The following HDAC8 variants were observed in gnomAD, a reference collection of about 807,000 sequenced individuals.
The protein encoded by HDAC8 is histone deacetylase-like 1.
In HDAC8, 1 loss-of-function variant was observed where a neutral mutation model predicts 32.2. The observed-to-expected ratio is 0.03, with a 90% CI of 0.01 to 0.15. HDAC8 has a LOEUF of 0.15. HDAC8 is among the 10% of genes least tolerant of loss of function. The pLI is 1.00. For synonymous variants in HDAC8, 108 were observed against 113.9 expected, an observed-to-expected ratio of 0.95 and a Z score of 0.33; for missense variants, 117 against 300.0, an observed-to-expected ratio of 0.39 and a Z score of 4.51.
At chrX:72,514,216 T>C (rs2049704710) in intron 4 of HDAC8, among the ~76,000 whole-genome samples, 1 of 112,378 alleles carries the variant, frequency 8.9e-6, no homozygotes, top group African/African-American at 3.2e-5. Context: ...ACAGACCATC[T>C]AGCATCAAGA....
At position 72,551,655 on chromosome X, in the gene HDAC8, G is replaced by A. The variant is rs2051073059; in HGVS notation, c.437+16234C>T. On this transcript the variant is annotated intron_variant, in intron 4 of 10. Transcript: ENST00000373573. ...TTTCCTCAGTGCCAGGCATACAGAA[G>A]GAGTTTAATAGATGTTCGTTAATTG... Among the ~76,000 whole-genome samples, 3 of 111,262 alleles carry A rather than the reference G, an allele frequency of 2.7e-5. No homozygotes were observed. The South Asian group carries it at 1.1e-3, about 43-fold the overall frequency.
At chrX:72,462,307 G>A (rs1446719464) in intron 8 of HDAC8, 1 of 365,890 alleles carries the variant, frequency 2.7e-6, no homozygotes, top group Non-Finnish European at 4.8e-6. Flanking sequence ...GTAAAACTGG[G>A]CAGTCCAAGG....
intron 4 of HDAC8, among the ~76,000 whole-genome samples, chrX:72,565,972 C>T (rs1556132793): frequency 9.1e-6 from 1 of 109,349 alleles, no homozygotes; most frequent in African/African-American, 3.3e-5. Context: ...CATAGCAAGA[C>T]CTCATCTCTA....
rs2043469131 is a variant in HDAC8, at chrX:72,329,840, CCTT to C, written c.*211_*213del. 1.0e-6 allele frequency: 1 copy of C among 955,200 alleles called. No homozygotes were observed. Among genetic ancestry groups the C allele is most frequent in the African/African-American group, 1.9e-5 (1 of 52,182 alleles). 78.7% of individuals were successfully genotyped at this position (955,200 alleles called of 1,213,427 possible). A position where few individuals can be genotyped will look rare whatever the true frequency, so the allele number is the denominator to read the frequency against. On this transcript the variant is annotated 3_prime_UTR_variant, in exon 11 of 11. Transcript: ENST00000373573. ...TAAGAACTTTAAATGTGGGATATCT[CCTT>C]CTTCCCCTAGGTCCAGTTGAGGACT...
intron 9 of HDAC8, among the ~76,000 whole-genome samples, chrX:72,449,454 C>T (rs1367563248): frequency 9.1e-6 from 1 of 110,376 alleles, no homozygotes; most frequent in Admixed American, 9.7e-5. Context: ...GGAGGGAGAG[C>T]ATTAGGAGAA....
At chrX:72,346,207 G>A (rs1411366556) in intron 10 of HDAC8, among the ~76,000 whole-genome samples, 3 of 111,575 alleles carry the variant, frequency 2.7e-5, no homozygotes, top group African/African-American at 9.8e-5. Flanking sequence ...AGGAAAGAGA[G>A]ATAAAGGATG....
intron 9 of HDAC8, among the ~76,000 whole-genome samples, chrX:72,371,227 G>A (rs1168463532): frequency 8.9e-6 from 1 of 111,739 alleles, no homozygotes; most frequent in Non-Finnish European, 1.9e-5. Context: ...AGTAATATTG[G>A]CAATTGTTGA....
At chrX:72,547,281 C>A (rs1300941990) in intron 4 of HDAC8, among the ~76,000 whole-genome samples, 1 of 109,897 alleles carries the variant, frequency 9.1e-6, no homozygotes. Context: ...GCTCTTCTGC[C>A]CCCTTGGGAT....
chrX:72,359,068 T>C (rs1361832075), intron 9 of HDAC8, among the ~76,000 whole-genome samples: 1 of 109,248 alleles, frequency 9.2e-6, no homozygotes, highest in Non-Finnish European at 1.9e-5. Flanking sequence ...TTTTTTTTTT[T>C]TCTTTTTTTT....
intron 9 of HDAC8, among the ~76,000 whole-genome samples, chrX:72,430,859 G>A (rs1255369629): frequency 8.9e-6 from 1 of 111,976 alleles, no homozygotes; most frequent in African/African-American, 3.2e-5. Flanking sequence ...TGAAGAAACC[G>A]AAGTTCGCAG....
chrX:72,566,146 C>T (rs1043013888), intron 4 of HDAC8, among the ~76,000 whole-genome samples: 10 of 106,084 alleles, frequency 9.4e-5, no homozygotes, highest in Admixed American at 4.1e-4. Flanking sequence ...GACTCTGTCT[C>T]GAAAAAAACA....
intron 9 of HDAC8, among the ~76,000 whole-genome samples, chrX:72,398,831 A>G (rs1278460643): frequency 1.6e-4 from 16 of 102,007 alleles, no homozygotes; most frequent in African/African-American, 5.0e-4. Context: ...CTTCTTTTAT[A>G]GTCGGTACTT....
intron 9 of HDAC8, among the ~76,000 whole-genome samples, chrX:72,389,311 G>C (rs944051031): frequency 9.0e-6 from 1 of 111,192 alleles, no homozygotes; most frequent in African/African-American, 3.3e-5. Context: ...TAAGTGTCTC[G>C]AAACAAATTA....
intron 9 of HDAC8, among the ~76,000 whole-genome samples, chrX:72,388,595 TACACACACACACACACAC>T (rs59374504): frequency 5.7e-5 from 5 of 88,382 alleles, no homozygotes; most frequent in Admixed American, 1.3e-4. Flanking sequence ...CCACAGTGAT[TACACACACACACACACAC>T]ACACACACAC....
chrX:72,528,929 GTTAAT>G (rs1258285489), intron 4 of HDAC8, among the ~76,000 whole-genome samples: 1 of 112,326 alleles, frequency 8.9e-6, no homozygotes, highest in East Asian at 2.8e-4. Flanking sequence ...GTTGAATGAA[GTTAAT>G]TTAAATTCTA....
At chrX:72,354,318 G>C (rs1315225682) in intron 9 of HDAC8, among the ~76,000 whole-genome samples, 3 of 112,126 alleles carry the variant, frequency 2.7e-5, no homozygotes, top group African/African-American at 6.5e-5. Flanking sequence ...TAGGTTAGGG[G>C]ACTCAGATTG....
chrX:72,475,437 C>T lies in HDAC8; in HGVS notation c.738-10706G>A, dbSNP rs879986674. On this transcript the variant is annotated intron_variant, in intron 7 of 10. Coordinates refer to ENST00000373573, the MANE Select transcript of HDAC8 (RefSeq NM_018486.3). ...TAGTCAGTCCCAAATGGGAGCCGTT[C>T]AACTTTCCATAGGTATGTTTTCTCT... Among the ~76,000 whole-genome samples, 3 of 111,874 alleles carry T rather than the reference C, an allele frequency of 2.7e-5. No homozygotes were observed. The East Asian group carries it at 8.4e-4, about 31-fold the overall frequency.
At chrX:72,429,456 C>A (rs1450053605) in intron 9 of HDAC8, among the ~76,000 whole-genome samples, 3 of 111,901 alleles carry the variant, frequency 2.7e-5, no homozygotes, top group Non-Finnish European at 5.6e-5. Flanking sequence ...CCGGTAAATT[C>A]CCAGTGCCCG....
chrX:72,343,778 C>G (rs2043952769), intron 10 of HDAC8, among the ~76,000 whole-genome samples: 2 of 112,404 alleles, frequency 1.8e-5, no homozygotes, highest in Admixed American at 1.9e-4. Flanking sequence ...GTATTTGGAA[C>G]TATCAGCCCA....
Sources: allele counts gnomAD v4.1 joint callset (sites outside exome capture counted in the v4.1 genomes callset), GRCh38; gene constraint gnomAD v4.1.1; transcripts MANE v1.5; gene names NCBI Gene and HGNC (gene_info 2026-07-23, HGNC 2026-07-21).